Variants in DDX54 observed in about 807,000 individuals in gnomAD.
DDX54 encodes DEAD-box helicase 54.
In DDX54, 67 loss-of-function variants were observed where a neutral mutation model predicts 105.5. The ratio of observed to expected loss-of-function variants is 0.64; its 90% CI spans 0.52 to 0.78. The LOEUF is 0.78. DDX54 is among the 30% of genes least tolerant of loss of function. DDX54 has a pLI of 0.00. For missense variants in DDX54, 1,206 were observed against 1,230.5 expected (o/e 0.98, Z 0.30); for synonymous variants, 514 against 509.9 (o/e 1.01, Z -0.11).
chr12:113,169,008 G>A (rs1002251393), intron 12 of DDX54, among the ~76,000 whole-genome samples: 1 of 152,088 alleles, frequency 6.6e-6, no homozygotes, highest in African/African-American at 2.4e-5. Context: ...GCGCTCCCCT[G>A]AAAACTCATC....
Position 113,176,826 on chromosome 12 carries a change from A to C in DDX54, c.752+14T>G. On this transcript the variant is annotated intron_variant, in intron 7 of 19. Coordinates refer to ENST00000306014, the MANE Select transcript of DDX54 (RefSeq NM_024072.4). ...TTCAGACACAAGTGCTCAGGGCTGG[A>C]CCTGCAGCCTTACCGGTCAGCTTCA... 1.9e-6 allele frequency: 3 copies of C among 1,613,726 alleles called. No homozygotes were observed. Among genetic ancestry groups the C allele is most frequent in the Non-Finnish European group, 1.7e-6 (2 of 1,179,796 alleles).
At chr12:113,185,031 C>A (rs1249142758) in intron 1 of DDX54, among the ~76,000 whole-genome samples, 2 of 152,186 alleles carry the variant, frequency 1.3e-5, no homozygotes, top group African/African-American at 4.8e-5. Context: ...GACGCGCGAC[C>A]AAAACCCGGC....
intron 15 of DDX54, 38 bp downstream of exon 15, chr12:113,164,029 A>G: frequency 6.6e-7 from 1 of 1,519,880 alleles, no homozygotes; most frequent in Non-Finnish European, 8.9e-7. Flanking sequence ...CCCCTTCCCC[A>G]TACCCCAGGT....
At position 113,157,908 on chromosome 12, in the gene DDX54, G is replaced by C; in HGVS notation, c.*969C>G. On this transcript the variant is annotated 3_prime_UTR_variant, in exon 20 of 20. Transcript: ENST00000306014. ...TGAGGAGGTGATGGGAAGGTCAAGG[G>C]GCTATGTGTGGGGCAACTGCCTCTA... is the stretch of plus-strand genomic sequence containing the variant. 1 of 575,768 alleles carries C rather than the reference G, an allele frequency of 1.7e-6. No individual in the cohort carries two copies. The highest frequency in any genetic ancestry group is 3.0e-5 in the Admixed American group (1 of 33,628). The allele number at this position is 575,768 out of a possible 1,614,324, so 35.7% of individuals were successfully genotyped here. A position where few individuals can be genotyped will look rare whatever the true frequency, so the allele number is the denominator to read the frequency against.
At chr12:113,183,080 G>A (rs1267713052) in intron 1 of DDX54, among the ~76,000 whole-genome samples, 3 of 151,960 alleles carry the variant, frequency 2.0e-5, no homozygotes, top group African/African-American at 4.8e-5. Flanking sequence ...GGCTGGTCTC[G>A]AACTCCTGGC....
intron 14 of DDX54, 149 bp from the exon 15 acceptor site, chr12:113,164,434 C>A (rs1457745991): frequency 2.0e-6 from 2 of 1,024,316 alleles, no homozygotes; most frequent in Non-Finnish European, 2.8e-6. Context: ...CAGACCCAGA[C>A]CAGGCGCAGT....
At position 113,165,631 on chromosome 12, in the gene DDX54, C is replaced by A; in HGVS notation, c.1719+13G>T. 6.3e-7 allele frequency: 1 copy of A among 1,595,926 alleles called. No individual in the cohort carries two copies. On this transcript the variant is annotated intron_variant, in intron 14 of 19. Transcript: ENST00000306014. ...CAGGACTCAGAGCGTGGTCTCCACC[C>A]GGCCCCACTCACCGCCCGGGAGCGG...
chr12:113,166,274 A>T (rs1180295179), intron 12 of DDX54, among the ~76,000 whole-genome samples: 1 of 152,176 alleles, frequency 6.6e-6, no homozygotes, highest in East Asian at 1.9e-4. Flanking sequence ...AAATAGCTCT[A>T]CGGGAGCACA....
At chr12:113,185,131 G>T in intron 1 of DDX54, 147 bp downstream of exon 1, 1 of 1,017,544 alleles carries the variant, frequency 9.8e-7, no homozygotes, top group Non-Finnish European at 1.3e-6. Context: ...TGCTCAGGCC[G>T]GCGGTCCCAA....
At chr12:113,182,785 G>A (rs1447154229) in intron 1 of DDX54, among the ~76,000 whole-genome samples, 2 of 151,788 alleles carry the variant, frequency 1.3e-5, no homozygotes, top group East Asian at 1.9e-4. Context: ...TCAAACTCCC[G>A]ACCTCAAGTG....
chr12:113,159,683 G>C (rs1447535160), intron 19 of DDX54, among the ~76,000 whole-genome samples: 1 of 150,726 alleles, frequency 6.6e-6, no homozygotes, highest in East Asian at 2.0e-4. Context: ...GGTGGGAGAG[G>C]AATCAAAGAA....
rs1419508579 is a variant in DDX54 at position 113,157,366 on chromosome 12, G to A, written c.*1511C>T. ...TGGATAGTGCAGGTGACAGCAGCGAGGAAGCTGTGAAGGTGTCTGCTCACG... is the reference window on the plus strand; with the variant it reads ...TGGATAGTGCAGGTGACAGCAGCGAAGAAGCTGTGAAGGTGTCTGCTCACG... On this transcript the variant is annotated 3_prime_UTR_variant, in exon 20 of 20. Transcript: ENST00000306014. 1 of 574,796 alleles carries A rather than the reference G, an allele frequency of 1.7e-6. No individual in the cohort carries two copies. The highest frequency in any genetic ancestry group is 1.9e-5 in the African/African-American group (1 of 53,614). The allele number at this position is 574,796 out of a possible 1,614,324, so 35.6% of individuals were successfully genotyped here.
At chr12:113,173,100 G>A (rs1282519895) in intron 10 of DDX54, among the ~76,000 whole-genome samples, 1 of 152,132 alleles carries the variant, frequency 6.6e-6, no homozygotes, top group Non-Finnish European at 1.5e-5. Flanking sequence ...AGCATTTCGG[G>A]AAACCAAGGC....
chr12:113,158,204 T>C lies in DDX54; in HGVS notation c.*673A>G, dbSNP rs7967506. On this transcript the variant is annotated 3_prime_UTR_variant, in exon 20 of 20. Coordinates refer to ENST00000306014, the MANE Select transcript of DDX54 (RefSeq NM_024072.4). The surrounding 1 kb of genome is among the most constrained non-coding windows in gnomAD (Gnocchi z 4.9). ...GTGTGGAGGGGCCGCGTTAACCTCT[T>C]CATAGCCAGAGGGGAGCAGCTGTGT... 5,848 of 156,296 alleles carry C rather than the reference T, an allele frequency of 0.037. 288 individuals are homozygous for C. The highest frequency in any genetic ancestry group is 0.2 in the East Asian group (1,080 of 5,328). 9.7% of individuals were successfully genotyped at this position (156,296 alleles called of 1,614,324 possible).
intron 11 of DDX54, among the ~76,000 whole-genome samples, chr12:113,171,916 G>A (rs1244706082): frequency 6.6e-6 from 1 of 152,062 alleles, no homozygotes; most frequent in Admixed American, 6.6e-5. Flanking sequence ...ACTAAACATC[G>A]CAGCTCAGCC....
At chr12:113,182,029 T>A (rs1490336308) in intron 1 of DDX54, among the ~76,000 whole-genome samples, 1 of 152,052 alleles carries the variant, frequency 6.6e-6, no homozygotes, top group Non-Finnish European at 1.5e-5. Flanking sequence ...GAGCAGCAAT[T>A]CATAAGAGTG....
At position 113,177,073 on chromosome 12, in the gene DDX54, G is replaced by A. The variant is rs746101608; in HGVS notation, c.635C>T (p.Ala212Val). The change falls in exon 6 of 20, where the codon GCC (alanine) becomes GTC (valine). Residue 212 changes from alanine (A) to valine (V), a missense_variant. Transcript: ENST00000306014. ...TCACATGTCGGGATTTTCGTGCAGG[G>A]CTGCAAACTGGTCTTCCATCCTAGA... ...GGDRMEDQFA[A>V]LHENPDIIIA... 7 of 1,614,106 alleles carry A rather than the reference G, an allele frequency of 4.3e-6. No homozygotes were observed. The highest frequency in any genetic ancestry group is 5.9e-6 in the Non-Finnish European group (7 of 1,180,008).
At chr12:113,185,168 C>T (rs1354925797) in intron 1 of DDX54, 110 bp downstream of exon 1, 4 of 1,346,480 alleles carry the variant, frequency 3.0e-6, no homozygotes, top group Non-Finnish European at 3.9e-6. Flanking sequence ...GGCAGCCTCC[C>T]TCCCCACACT....
At chr12:113,173,641 G>A (rs988517713) in intron 10 of DDX54, among the ~76,000 whole-genome samples, 14 of 152,304 alleles carry the variant, frequency 9.2e-5, no homozygotes, top group Admixed American at 2.0e-4. Context: ...TGCTAACAGC[G>A]CTTCACACAG....
Sources: gnomAD v4.1 joint callset for allele counts (sites outside exome capture counted in the v4.1 genomes callset) on GRCh38, gnomAD v4.1.1 for gene constraint, Gnocchi (gnomAD v3.1) non-coding constraint, MANE v1.5 for transcripts, NCBI Gene and HGNC (gene_info 2026-07-23, HGNC 2026-07-21) for gene names.